ZBED6: variants seen among roughly 807,000 people sequenced by gnomAD.
The protein encoded by ZBED6 is zinc finger BED domain-containing protein 6.
A neutral mutation model predicts 58.4 loss-of-function variants in ZBED6; 40 were observed. The observed-to-expected ratio is 0.68, with a 90% CI of 0.53 to 0.89. The LOEUF is 0.89. Among genes scored for constraint, ZBED6 ranks in the 40% least tolerant of loss-of-function variants. ZBED6 has a pLI of 0.00. For synonymous variants in ZBED6, 439 were observed against 350.6 expected (o/e 1.25, Z -2.82); for missense variants, 1,057 against 1,003.9 (o/e 1.05, Z -0.71).
rs1688880457 is a variant in ZBED6 at position 203,850,030 on chromosome 1, A to G, written c.*4638+4A>G. 1.2e-6 allele frequency: 2 copies of G among 1,613,874 alleles called. No homozygotes were observed. The highest frequency in any genetic ancestry group is 2.2e-5 in the East Asian group (1 of 44,864). ...ACCTTGGAAAAAAGGGGTAAAGGCA[A>G]GTATTTCTATACTGTGTATTGCTTT... is the stretch of plus-strand genomic sequence containing the variant. On this transcript the variant is annotated splice_donor_region_variant and intron_variant, in intron 14 of 16. Coordinates refer to ENST00000550078, the Ensembl canonical transcript of ZBED6.
Position 203,847,172 on chromosome 1 carries a change from C to T in ZBED6, c.*3742-12C>T. ...TCAAGTATAATGACATGTTTTTCTC[C>T]TGTGAAAACAGATAAAGTTAATAAA... On this transcript the variant is annotated splice_polypyrimidine_tract_variant and intron_variant, in intron 11 of 16. Transcript: ENST00000550078. 6.2e-7 allele frequency: 1 copy of T among 1,610,414 alleles called. No individual in the cohort carries two copies. Among genetic ancestry groups the T allele is most frequent in the East Asian group, 2.2e-5 (1 of 44,868 alleles).
At chr1:203,817,994 G>A (rs751889541) in intron 2 of ZBED6, among the ~76,000 whole-genome samples, 14 of 151,982 alleles carry the variant, frequency 9.2e-5, no homozygotes, top group Non-Finnish European at 1.5e-4. Flanking sequence ...TGATCTGCCC[G>A]CCTCGGCCTC....
chr1:203,852,560 G>T (rs1474332387), exon 17 of ZBED6: 9 of 763,916 alleles, frequency 1.2e-5, no homozygotes, highest in Non-Finnish European at 1.6e-5. Context: ...GATTCCTTGG[G>T]GTCAGATTTT....
chr1:203,812,092 C>G (rs1674671723), intron 1 of ZBED6, among the ~76,000 whole-genome samples: 1 of 152,170 alleles, frequency 6.6e-6, no homozygotes, highest in African/African-American at 2.4e-5. Context: ...GCTGGGATTA[C>G]ATGTATGAGT....
intron 7 of ZBED6, among the ~76,000 whole-genome samples, chr1:203,830,649 AAAAC>A (rs1455177319): frequency 6.6e-6 from 1 of 152,188 alleles, no homozygotes; most frequent in Admixed American, 6.5e-5. Flanking sequence ...CGTCTCTACT[AAAAC>A]AAAAAATTAG....
chr1:203,818,549 G>A (rs1572067559), intron 2 of ZBED6, 21 bp from the exon 3 acceptor site: 5 of 1,613,294 alleles, frequency 3.1e-6, no homozygotes, highest in Middle Eastern at 1.7e-4. Context: ...TACAAATAGA[G>A]TGTTCTCTAT....
intron 4 of ZBED6, chr1:203,829,128 T>G: frequency 3.1e-6 from 1 of 317,964 alleles, no homozygotes. Flanking sequence ...AGAAGCTACT[T>G]CTTTGCTGAG....
At position 203,800,042 on chromosome 1, in the gene ZBED6, A is replaced by C. The variant is rs76919946; in HGVS notation, c.2520A>C (p.Ser840=). 2.5e-3 allele frequency: 3,766 copies of C among 1,536,108 alleles called. 63 individuals are homozygous for C. The African/African-American group carries it at 0.036, about 15-fold the overall frequency. ...CTCTAAAAGAAGGCACCTCCAGTTCAGGTTCTGTTGATAGCTCAGCTGTAG... is the reference window on the plus strand; with the variant it reads ...CTCTAAAAGAAGGCACCTCCAGTTCCGGTTCTGTTGATAGCTCAGCTGTAG... Residue 840 remains serine, a synonymous_variant, in exon 1 of 17, where the codon TCA becomes TCC. Coordinates refer to ENST00000550078, the Ensembl canonical transcript of ZBED6.
exon 1 of ZBED6, chr1:203,799,887 G>A: frequency 1.3e-6 from 2 of 1,535,968 alleles, no homozygotes; most frequent in Non-Finnish European, 1.7e-6. Context: ...TGCTGATTTA[G>A]AAACTTATAA....
intron 3 of ZBED6, among the ~76,000 whole-genome samples, chr1:203,819,651 C>G (rs1677813818): frequency 6.7e-6 from 1 of 149,328 alleles, no homozygotes; most frequent in Non-Finnish European, 1.5e-5. Flanking sequence ...TCTCCTGCCT[C>G]AGCCTCCCGA....
intron 4 of ZBED6, among the ~76,000 whole-genome samples, 182 bp downstream of exon 4, chr1:203,828,604 A>G (rs1321382761): frequency 6.6e-6 from 1 of 152,202 alleles, no homozygotes; most frequent in Non-Finnish European, 1.5e-5. Flanking sequence ...CCTTAGAACC[A>G]TTATATATCT....
In ZBED6 at chr1:203,814,527, G is replaced by GA. The variant is rs1207906868; in HGVS notation, c.*2555-2389dup. ...TGACAGAGCAAGACTCCATCTCAAAGAAAAAAAAAAGAATAACCTTTCCTC... is the reference window on the plus strand; with the variant it reads ...TGACAGAGCAAGACTCCATCTCAAAGAAAAAAAAAAAGAATAACCTTTCCTC... On this transcript the variant is annotated intron_variant, in intron 1 of 16. Coordinates refer to ENST00000550078, the Ensembl canonical transcript of ZBED6. Among the ~76,000 whole-genome samples the GA allele has an allele frequency of 3.3e-4, 48 of 146,308 alleles. No homozygotes were observed. In the Middle Eastern group the frequency reaches 0.01, roughly 32 times the overall value.
intron 1 of ZBED6, among the ~76,000 whole-genome samples, chr1:203,806,951 T>C (rs530357857): frequency 1.3e-5 from 2 of 152,192 alleles, no homozygotes; most frequent in South Asian, 4.1e-4. Flanking sequence ...TTTTTTTGTT[T>C]TTTACCCCTT....
At chr1:203,835,680 T>C (rs1275203792) in intron 9 of ZBED6, 14 of 245,858 alleles carry the variant, frequency 5.7e-5, no homozygotes, top group Non-Finnish European at 3.5e-5. Flanking sequence ...ACTGTTTCCA[T>C]GGGCTTGAGT....
exon 1 of ZBED6, chr1:203,797,532 T>C: frequency 6.6e-7 from 1 of 1,513,336 alleles, no homozygotes; most frequent in Non-Finnish European, 8.8e-7. Flanking sequence ...AATGAGTGTA[T>C]GTACTCTAAG....
chr1:203,803,617 G>A (rs559713167), intron 1 of ZBED6, among the ~76,000 whole-genome samples: 4 of 152,088 alleles, frequency 2.6e-5, no homozygotes, highest in African/African-American at 7.2e-5. Context: ...ATTTTGTTTC[G>A]TTTTGAAACA....
intron 10 of ZBED6, among the ~76,000 whole-genome samples, chr1:203,839,430 C>T (rs1685398476): frequency 6.6e-6 from 1 of 152,018 alleles, no homozygotes; most frequent in Admixed American, 6.6e-5. Context: ...CAGTGAAACA[C>T]TGGCGTTAAA....
exon 12 of ZBED6, chr1:203,847,530 A>G (rs1688213471): frequency 6.2e-7 from 1 of 1,613,982 alleles, no homozygotes; most frequent in South Asian, 1.1e-5. Context: ...CAGGTAAAAC[A>G]AAGTCTATGC....
intron 1 of ZBED6, among the ~76,000 whole-genome samples, chr1:203,807,175 A>G (rs1020754013): frequency 2.6e-5 from 4 of 152,076 alleles, no homozygotes; most frequent in Non-Finnish European, 4.4e-5. Flanking sequence ...ATTCCTGACC[A>G]TGTTACTATT....
Sources: allele counts gnomAD v4.1 joint callset (sites outside exome capture counted in the v4.1 genomes callset), GRCh38; gene constraint gnomAD v4.1.1; transcripts MANE v1.5; gene names NCBI Gene and HGNC (gene_info 2026-07-23, HGNC 2026-07-21).